The following F2 variants were observed in gnomAD, a reference collection of about 807,000 sequenced individuals.
F2 encodes coagulation factor II, thrombin, also known as prothrombin.
In F2, 34 loss-of-function variants were observed where a neutral mutation model predicts 81.9. The ratio of observed to expected loss-of-function variants is 0.42; its 90% confidence interval spans 0.32 to 0.55. F2 has a LOEUF of 0.55. Ranked by LOEUF, F2 falls within the 20% of genes least tolerant of loss-of-function variation. The pLI is 0.18. For missense variants in F2, 630 were observed against 833.4 expected (o/e 0.76, Z 3.00); for synonymous variants, 296 against 326.4 (o/e 0.91, Z 1.01).
intron 12 of F2, among the ~76,000 whole-genome samples, chr11:46,736,849 A>G (rs1213355006): frequency 6.6e-6 from 1 of 152,212 alleles, no homozygotes; most frequent in Non-Finnish European, 1.5e-5. Context: ...TCTATAAAAA[A>G]GCTTGGTGGT....
In F2 at chr11:46,728,052, T is replaced by A; in HGVS notation, c.1187T>A (p.Ile396Asn). 1 of 1,610,960 alleles carries A rather than the reference T, an allele frequency of 6.2e-7. No homozygotes were observed. Among genetic ancestry groups the A allele is most frequent in the Non-Finnish European group, 8.5e-7 (1 of 1,178,936 alleles). Reference protein sequence around the residue: ...PQELLCGASLISDRWVLTAAH... With the variant: ...PQELLCGASLNSDRWVLTAAH... ...GAGCTGCTGTGTGGGGCCAGCCTCATCAGTGACCGCTGGGTCCTCACCGCC... is the reference window on the plus strand; with the variant it reads ...GAGCTGCTGTGTGGGGCCAGCCTCAACAGTGACCGCTGGGTCCTCACCGCC... The change falls in exon 10 of 14, where the codon ATC becomes AAC. Residue 396 changes from isoleucine (I) to asparagine (N), a missense_variant. Coordinates refer to ENST00000311907, the MANE Select transcript of F2 (RefSeq NM_000506.5). This position sits in a 1 kb window ranked among gnomAD's most constrained non-coding sequence, Gnocchi z 5.1.
Position 46,723,665 on chromosome 11 carries a change from C to T in F2, c.559+147C>T. On this transcript the variant is annotated intron_variant, in intron 6 of 13. Coordinates refer to ENST00000311907, the MANE Select transcript of F2 (RefSeq NM_000506.5). This position sits in a 1 kb window ranked among gnomAD's most constrained non-coding sequence, Gnocchi z 5.6. ...CAGCACTTTGGGAGGCTGAGGCAGG[C>T]AGATCACCTGAGGTCAGGGGTTTGA... 1 of 1,049,588 alleles carries T rather than the reference C, an allele frequency of 9.5e-7. No homozygotes were observed. Among genetic ancestry groups the T allele is most frequent in the Non-Finnish European group, 1.4e-6 (1 of 726,326 alleles). The allele number at this position is 1,049,588 out of a possible 1,614,324, so 65.0% of individuals were successfully genotyped here.
At chr11:46,721,354 A>G (rs1438479339) in intron 4 of F2, among the ~76,000 whole-genome samples, 1 of 151,986 alleles carries the variant, frequency 6.6e-6, no homozygotes, top group Non-Finnish European at 1.5e-5. Flanking sequence ...ATTCATGTTT[A>G]AGGCTTCATT....
At chr11:46,731,406 C>A (rs1285241860) in intron 12 of F2, among the ~76,000 whole-genome samples, 1 of 151,770 alleles carries the variant, frequency 6.6e-6, no homozygotes, top group Non-Finnish European at 1.5e-5. Context: ...GTCTTGAACT[C>A]CTGACCTCGG....
Position 46,729,568 on chromosome 11 carries a change from C to A in F2, c.1654+7C>A. 1 of 1,608,378 alleles carries A rather than the reference C, an allele frequency of 6.2e-7. No homozygotes were observed. The highest frequency in any genetic ancestry group is 1.1e-5 in the South Asian group (1 of 90,938). Reference sequence around the variant, plus strand: ...GACAACATGTTCTGTGCTGGCAAGTCTGTGCAGGGCGGGCTGAGGGAACAG... The same window carrying A: ...GACAACATGTTCTGTGCTGGCAAGTATGTGCAGGGCGGGCTGAGGGAACAG... On this transcript the variant is annotated splice_region_variant and intron_variant, in intron 12 of 13. Transcript: ENST00000311907.
At chr11:46,731,440 C>T (rs2064911331) in intron 12 of F2, among the ~76,000 whole-genome samples, 1 of 152,048 alleles carries the variant, frequency 6.6e-6, no homozygotes, top group African/African-American at 2.4e-5. Context: ...CTCGGCTTCC[C>T]AAAGTGCTGG....
At chr11:46,734,364 CTTTA>C (rs750563013) in intron 12 of F2, among the ~76,000 whole-genome samples, 2 of 151,874 alleles carry the variant, frequency 1.3e-5, no homozygotes, top group Non-Finnish European at 2.9e-5. Context: ...TATATTAGGC[CTTTA>C]TTTGTGATAT....
chr11:46,734,073 A>G (rs1379414815), intron 12 of F2, among the ~76,000 whole-genome samples: 1 of 151,518 alleles, frequency 6.6e-6, no homozygotes, highest in African/African-American at 2.4e-5. Context: ...GGCATGAGCC[A>G]CCACGCCTGG....
chr11:46,723,762 C>T lies in F2; in HGVS notation c.559+244C>T, dbSNP rs535358805. ...AAAAATTGCCAGGCGTGGTGGTGGGCGCCTGTAATCCCAACTACTCTGGAG... is the reference window on the plus strand; with the variant it reads ...AAAAATTGCCAGGCGTGGTGGTGGGTGCCTGTAATCCCAACTACTCTGGAG... On this transcript the variant is annotated intron_variant, in intron 6 of 13. Transcript: ENST00000311907. The surrounding 1 kb of genome is among the most constrained non-coding windows in gnomAD (Gnocchi z 5.6). 7.4e-4 allele frequency among the ~76,000 whole-genome samples: 112 copies of T among 152,216 alleles called. No individual in the cohort carries two copies. The highest frequency in any genetic ancestry group is 6.8e-3 in the Middle Eastern group (2 of 294).
At chr11:46,730,796 A>ATATATATATATATATATATATATATATG (rs942052249) in intron 12 of F2, among the ~76,000 whole-genome samples, 5 of 142,196 alleles carry the variant, frequency 3.5e-5, no homozygotes, top group Non-Finnish European at 8.0e-5. Context: ...TTATATATAT[A>ATATATATATATATATATATATATATATG]TATGCATAGT....
Position 46,728,842 on chromosome 11 carries a change from G to A in F2, c.1472+5G>A. ...CGACAGGGAGACGGCAGCCAGGTGG[G>A]CCACCAGATGCTTGTTAGCTGAGGG... On this transcript the variant is annotated splice_donor_5th_base_variant and intron_variant, in intron 11 of 13. Coordinates refer to ENST00000311907, the MANE Select transcript of F2 (RefSeq NM_000506.5). The surrounding 1 kb of genome is among the most constrained non-coding windows in gnomAD (Gnocchi z 5.1). The A allele has an allele frequency of 6.2e-7, 1 of 1,613,174 alleles. No individual in the cohort carries two copies. Among genetic ancestry groups the A allele is most frequent in the Non-Finnish European group, 8.5e-7 (1 of 1,179,756 alleles).
chr11:46,723,269 T>C lies in F2; in HGVS notation c.406T>C (p.Tyr136His). 6.2e-7 allele frequency: 1 copy of C among 1,614,094 alleles called. No individual in the cohort carries two copies. Residue 136 changes from tyrosine (Y) to histidine (H), a missense_variant, in exon 5 of 14, where the codon TAC becomes CAC. By Grantham distance (83) the Tyr-to-His change is moderately conservative (BLOSUM62 2). Coordinates refer to ENST00000311907, the MANE Select transcript of F2 (RefSeq NM_000506.5). This position sits in a 1 kb window ranked among gnomAD's most constrained non-coding sequence, Gnocchi z 5.6. The stretch of plus-strand genomic sequence containing the variant: ...TGAGTGCCAGCTATGGAGGAGTCGC[T>C]ACCCACATAAGCCTGAGTGAGTGAG... ...GIECQLWRSRYPHKPEINSTT... is the reference protein window; with the variant it reads ...GIECQLWRSRHPHKPEINSTT...
rs959072964 is a variant in F2 at position 46,737,084 on chromosome 11, C to T, written c.1655-1964C>T. 4.6e-5 allele frequency among the ~76,000 whole-genome samples: 7 copies of T among 152,158 alleles called. No individual in the cohort carries two copies. The South Asian group carries it at 1.5e-3, about 32-fold the overall frequency. ...TTTTCTTGAGTAAATTAGTTAATGG[C>T]TTGCCGGTTTTCTCAAAACAAATAT... On this transcript the variant is annotated intron_variant, in intron 12 of 13. Coordinates refer to ENST00000311907, the MANE Select transcript of F2 (RefSeq NM_000506.5).
intron 9 of F2, among the ~76,000 whole-genome samples, chr11:46,727,536 G>A (rs2064882150): frequency 6.6e-6 from 1 of 152,112 alleles, no homozygotes. Flanking sequence ...CCAGCACTTT[G>A]GGAGGCCAAG....
At chr11:46,737,660 G>T (rs567260538) in intron 12 of F2, among the ~76,000 whole-genome samples, 1 of 151,190 alleles carries the variant, frequency 6.6e-6, no homozygotes, top group Non-Finnish European at 1.5e-5. Context: ...GGATGGTCTC[G>T]ATCTCCTGAC....
chr11:46,720,982 GTC>G (rs1175514326), intron 4 of F2, 142 bp downstream of exon 4: 5 of 814,366 alleles, frequency 6.1e-6, no homozygotes, highest in Non-Finnish European at 1.0e-5. Flanking sequence ...GGGTCAAGAT[GTC>G]TCTTTGTACC....
intron 2 of F2, chr11:46,720,086 G>T (rs1421955171): frequency 3.1e-6 from 2 of 637,560 alleles, no homozygotes; most frequent in South Asian, 1.9e-5. Flanking sequence ...ACATGGGGAG[G>T]CCTCCACAGT....
In F2 at chr11:46,723,512, G is replaced by A; in HGVS notation, c.553G>A (p.Val185Ile). The A allele has an allele frequency of 6.2e-7, 1 of 1,612,596 alleles. No individual in the cohort carries two copies. Residue 185 changes from valine to isoleucine, a missense_variant, in exon 6 of 14, where the codon GTC (valine) becomes ATC (isoleucine). By Grantham distance (29) the Val-to-Ile change is conservative. Transcript: ENST00000311907. This position sits in a 1 kb window ranked among gnomAD's most constrained non-coding sequence, Gnocchi z 5.6. ...GAGGAGGCAGGAATGCAGCATCCCT[G>A]TCTGTGGTAAGCTGGGGGCAGTGGG... The part of the protein sequence containing the change: ...TVRRQECSIP[V>I]CGQDQVTVAM...
chr11:46,731,729 G>A (rs1319636530), intron 12 of F2, among the ~76,000 whole-genome samples: 3 of 151,950 alleles, frequency 2.0e-5, no homozygotes, highest in Non-Finnish European at 4.4e-5. Flanking sequence ...GGTCAGGTTC[G>A]GGCTCAGTGG....
Sources: gnomAD v4.1 joint callset for allele counts (sites outside exome capture counted in the v4.1 genomes callset) on GRCh38, gnomAD v4.1.1 for gene constraint, Gnocchi (gnomAD v3.1) non-coding constraint, MANE v1.5 for transcripts, NCBI Gene and HGNC (gene_info 2026-07-23, HGNC 2026-07-21) for gene names.